ARHGAP24: variants seen among roughly 807,000 people sequenced by gnomAD.
ARHGAP24 encodes the protein Rho GTPase activating protein 24, also known as rho GTPase-activating protein 24.
In ARHGAP24, 50 loss-of-function variants were observed where a neutral mutation model predicts 76.4. The observed-to-expected ratio is 0.65, with a 90% CI of 0.52 to 0.83. The LOEUF (loss-of-function observed/expected upper bound fraction) is 0.83, where lower values mean the gene tolerates loss of function less well. Ranked by LOEUF, ARHGAP24 falls within the 40% of genes least tolerant of loss-of-function variation. ARHGAP24 has a pLI of 0.00. For missense variants in ARHGAP24, 930 were observed against 914.2 expected, an observed-to-expected ratio of 1.02 and a Z score of -0.22; for synonymous variants, 345 against 323.3, an observed-to-expected ratio of 1.07 and a Z score of -0.72.
intron 1 of ARHGAP24, among the ~76,000 whole-genome samples, chr4:85,523,727 T>C (rs1278063315): frequency 6.6e-6 from 1 of 152,054 alleles, no homozygotes; most frequent in Non-Finnish European, 1.5e-5. Flanking sequence ...TATGTAAATA[T>C]AGTTAGCAAC....
chr4:85,781,959 C>A (rs1370677828), intron 3 of ARHGAP24, among the ~76,000 whole-genome samples: 1 of 149,896 alleles, frequency 6.7e-6, no homozygotes, highest in Non-Finnish European at 1.5e-5. Flanking sequence ...ATCACTGCAA[C>A]CTGGTAGGCG....
At chr4:85,541,142 C>CTTTTTTTTTTTTTTTTTTTTTT (rs70948733) in intron 1 of ARHGAP24, among the ~76,000 whole-genome samples, 1 of 49,740 alleles carries the variant, frequency 2.0e-5, no homozygotes, top group African/African-American at 1.1e-4. Flanking sequence ...CATCCATGAC[C>CTTTTTTTTTTTTTTTTTTTTTT]TTTTTTTTTT....
intron 1 of ARHGAP24, among the ~76,000 whole-genome samples, chr4:85,498,231 A>G (rs2110097553): frequency 1.3e-5 from 2 of 152,304 alleles, no homozygotes; most frequent in East Asian, 3.9e-4. Context: ...GGAATTAAGG[A>G]CACAGTAAAA....
Position 85,956,782 on chromosome 4 carries a change from C to G in ARHGAP24, c.599+14509C>G, listed in dbSNP as rs1270038039. ...GCCGACACCCAGCCAGGGTGGAAGT[C>G]AGCGGCAGGCAGCAAAAAGCAGTGG... On this transcript the variant is annotated intron_variant, in intron 5 of 9. Coordinates refer to ENST00000395184, the MANE Select transcript of ARHGAP24 (RefSeq NM_001025616.3). Among the ~76,000 whole-genome samples, 4 of 152,150 alleles carry G rather than the reference C, an allele frequency of 2.6e-5. No homozygotes were observed. In the East Asian group the frequency reaches 5.8e-4, roughly 22 times the overall value.
intron 3 of ARHGAP24, among the ~76,000 whole-genome samples, chr4:85,802,927 T>C (rs1322936875): frequency 6.6e-6 from 1 of 152,192 alleles, no homozygotes; most frequent in East Asian, 1.9e-4. Flanking sequence ...AGGCAGCACA[T>C]TGGAATAAAA....
At chr4:85,645,072 G>A (rs952598781) in intron 2 of ARHGAP24, among the ~76,000 whole-genome samples, 4 of 151,924 alleles carry the variant, frequency 2.6e-5, no homozygotes, top group Admixed American at 6.6e-5. Flanking sequence ...ATTTTCTCTC[G>A]GATAAATTCT....
At chr4:85,555,425 A>C (rs1014967359) in intron 1 of ARHGAP24, among the ~76,000 whole-genome samples, 5 of 152,184 alleles carry the variant, frequency 3.3e-5, no homozygotes, top group African/African-American at 1.2e-4. Context: ...TTAGCAAAGT[A>C]TTTTTGTTGT....
rs556609759 is a variant in ARHGAP24, at chr4:85,965,375, G to A, written c.600-6661G>A. On this transcript the variant is annotated intron_variant, in intron 5 of 9. Coordinates refer to ENST00000395184, the MANE Select transcript of ARHGAP24 (RefSeq NM_001025616.3). ...TCACACTGGGTCCCTCCCACAACAC[G>A]TGGGAATTATGAGAGCTACAAGATG... Among the ~76,000 whole-genome samples the A allele has an allele frequency of 3.3e-5, 5 of 152,188 alleles. No homozygotes were observed. The East Asian group carries it at 5.8e-4, about 18-fold the overall frequency.
chr4:85,988,149 C>A (rs1464982398), intron 8 of ARHGAP24, among the ~76,000 whole-genome samples: 1 of 151,830 alleles, frequency 6.6e-6, no homozygotes, highest in East Asian at 1.9e-4. Flanking sequence ...AAATTCATCA[C>A]TGATGGTCTT....
At chr4:85,750,103 T>C (rs1726201873) in intron 3 of ARHGAP24, among the ~76,000 whole-genome samples, 1 of 152,124 alleles carries the variant, frequency 6.6e-6, no homozygotes, top group South Asian at 2.1e-4. Flanking sequence ...TGATGAAATG[T>C]CAGCTGTTCT....
chr4:85,964,326 A>T (rs780475730), intron 5 of ARHGAP24, among the ~76,000 whole-genome samples: 1 of 152,130 alleles, frequency 6.6e-6, no homozygotes, highest in Middle Eastern at 3.2e-3. Context: ...AATTTTACAC[A>T]AGGGGAGATT....
chr4:85,731,423 T>C (rs1725404829), intron 3 of ARHGAP24, among the ~76,000 whole-genome samples: 1 of 152,196 alleles, frequency 6.6e-6, no homozygotes, highest in Non-Finnish European at 1.5e-5. Context: ...AGTGCTGTCA[T>C]GTAGTGTATG....
intron 3 of ARHGAP24, among the ~76,000 whole-genome samples, chr4:85,817,461 T>C (rs1213182526): frequency 6.6e-6 from 1 of 152,154 alleles, no homozygotes; most frequent in Non-Finnish European, 1.5e-5. Context: ...CCAATTTCAT[T>C]TTTCTGCATA....
At chr4:85,853,579 A>T (rs186552157) in intron 3 of ARHGAP24, among the ~76,000 whole-genome samples, 15 of 152,320 alleles carry the variant, frequency 9.8e-5, no homozygotes, top group Admixed American at 2.0e-4. Flanking sequence ...GGAGCTGCAG[A>T]CTGGAGCTCT....
chr4:85,939,858 C>A (rs997434679), intron 4 of ARHGAP24, among the ~76,000 whole-genome samples: 57 of 151,382 alleles, frequency 3.8e-4, no homozygotes, highest in African/African-American at 1.3e-3. Context: ...TTGGAGAGAA[C>A]CCTTAGGTAA....
chr4:85,983,293 T>G (rs1739790206), intron 8 of ARHGAP24, among the ~76,000 whole-genome samples: 1 of 152,146 alleles, frequency 6.6e-6, no homozygotes, highest in African/African-American at 2.4e-5. Context: ...ATATACCCAG[T>G]AATTGGATGG....
At position 85,809,766 on chromosome 4, in the gene ARHGAP24, G is replaced by T. The variant is rs367587768; in HGVS notation, c.268+87794G>T. 1.6e-4 allele frequency among the ~76,000 whole-genome samples: 25 copies of T among 152,278 alleles called. No homozygotes were observed. The East Asian group carries it at 2.1e-3, about 13-fold the overall frequency. On this transcript the variant is annotated intron_variant, in intron 3 of 9. Coordinates refer to ENST00000395184, the MANE Select transcript of ARHGAP24 (RefSeq NM_001025616.3). Reference sequence around the variant, plus strand: ...AAGGGTATTAGCCATGCAGGCTGAGGGGTAGATGTCCAGGACAGACTGCAA... The same window carrying T: ...AAGGGTATTAGCCATGCAGGCTGAGTGGTAGATGTCCAGGACAGACTGCAA...
chr4:85,884,538 A>T (rs1290642692), intron 3 of ARHGAP24, among the ~76,000 whole-genome samples: 2 of 152,164 alleles, frequency 1.3e-5, no homozygotes, highest in Admixed American at 6.5e-5. Context: ...CCCTTAGCTG[A>T]TGAAGGAAGA....
intron 2 of ARHGAP24, among the ~76,000 whole-genome samples, chr4:85,603,043 A>G (rs1720083440): frequency 6.6e-6 from 1 of 152,252 alleles, no homozygotes; most frequent in Admixed American, 6.5e-5. Context: ...GCTTTTTAAA[A>G]TGTACCAGCC....
Sources: allele counts gnomAD v4.1 joint callset (sites outside exome capture counted in the v4.1 genomes callset), GRCh38; gene constraint gnomAD v4.1.1; transcripts MANE v1.5; gene names NCBI Gene and HGNC (gene_info 2026-07-23, HGNC 2026-07-21).